LAMA3: variants seen among roughly 807,000 people sequenced by gnomAD.
LAMA3 encodes laminin subunit alpha 3, also known as laminin subunit alpha-3.
A neutral mutation model predicts 402.0 loss-of-function variants in LAMA3; 281 were observed. That is an observed-to-expected ratio of 0.70 (90% CI 0.63 to 0.77). The LOEUF is 0.77. Among genes scored for constraint, LAMA3 ranks in the 30% least tolerant of loss-of-function variants. LAMA3 has a pLI of 0.00. For missense variants in LAMA3, 3,840 were observed against 4,215.5 expected (o/e 0.91, Z 2.47); for synonymous variants, 1,431 against 1,558.4 (o/e 0.92, Z 1.93).
At chr18:23,795,067 G>C (rs2062736802) in intron 12 of LAMA3, among the ~76,000 whole-genome samples, 1 of 152,176 alleles carries the variant, frequency 6.6e-6, no homozygotes, top group Non-Finnish European at 1.5e-5. Context: ...CACAACCTCT[G>C]TCAAGTGGAA....
rs377503548 is a variant in LAMA3 at position 23,842,350 on chromosome 18, G to T, written c.3337-45G>T. ...GATTCCAGTTATTCATAGCTCTTCA[G>T]CTTGAGGGTTTTTAATTTTTTTTCC... On this transcript the variant is annotated intron_variant, in intron 27 of 74. Transcript: ENST00000313654. 38 of 1,612,330 alleles carry T rather than the reference G, an allele frequency of 2.4e-5. 1 individual carries two copies. In the East Asian group the frequency reaches 2.7e-4, roughly 11 times the overall value.
intron 67 of LAMA3, 24 bp from the exon 68 acceptor site, chr18:23,939,199 T>C (rs370151549): frequency 3.1e-6 from 5 of 1,611,558 alleles, no homozygotes; most frequent in Non-Finnish European, 3.4e-6. Context: ...CCCCTGATAA[T>C]TGTGTTGCTC....
In LAMA3 at chr18:23,921,503, G is replaced by T. The variant is rs886053675; in HGVS notation, c.8095G>T (p.Val2699Phe). ...LQKRMWINVDVQNTIIDGEVF... is the reference protein window; with the variant it reads ...LQKRMWINVDFQNTIIDGEVF... ...AAAGCGTATGTGGATAAATGTGGAC[G>T]TTCAAAACACTATAATTGATGGTGA... Residue 2699 changes from valine to phenylalanine, a missense_variant, in exon 62 of 75, where the codon GTT becomes TTT. This residue lies in a region of LAMA3 where 840 missense variants were observed against 981.9 expected (regional missense o/e 0.86). Transcript: ENST00000313654. 2.5e-6 allele frequency: 4 copies of T among 1,613,506 alleles called. No individual in the cohort carries two copies. Among genetic ancestry groups the T allele is most frequent in the Non-Finnish European group, 2.5e-6 (3 of 1,179,516 alleles).
intron 12 of LAMA3, among the ~76,000 whole-genome samples, chr18:23,806,743 C>G (rs1448311626): frequency 6.6e-6 from 1 of 152,196 alleles, no homozygotes; most frequent in Non-Finnish European, 1.5e-5. Flanking sequence ...ATTCAGACCT[C>G]GCAGGATGAA....
At chr18:23,859,588 T>C (rs758056240) in intron 34 of LAMA3, among the ~76,000 whole-genome samples, 3 of 152,162 alleles carry the variant, frequency 2.0e-5, no homozygotes, top group Non-Finnish European at 2.9e-5. Flanking sequence ...AAGAATATGA[T>C]AAAGGATACA....
At chr18:23,795,950 T>C in intron 12 of LAMA3, 4 of 300,548 alleles carry the variant, frequency 1.3e-5, no homozygotes, top group South Asian at 2.8e-5. Flanking sequence ...CCTGATCTGA[T>C]AGGACTCATG....
Position 23,753,811 on chromosome 18 carries a change from CTG to C in LAMA3, c.947+1_947+2del. On this transcript the variant is annotated splice_donor_variant and coding_sequence_variant, in exon 6 of 75. Coordinates refer to ENST00000313654, the MANE Select transcript of LAMA3 (RefSeq NM_198129.4). LOFTEE classifies it high-confidence loss of function. Reference sequence around the variant, plus strand: ...GTGCAATATAAACAATCCTGAAAAACTGTAAGTACACTGTACAGATTTTTTTC... The same window carrying C: ...GTGCAATATAAACAATCCTGAAAAACTAAGTACACTGTACAGATTTTTTTC... The C allele has an allele frequency of 6.2e-7, 1 of 1,606,168 alleles. No individual in the cohort carries two copies. The highest frequency in any genetic ancestry group is 8.5e-7 in the Non-Finnish European group (1 of 1,172,798).
At chr18:23,949,465 C>G (rs1007900814) in intron 70 of LAMA3, among the ~76,000 whole-genome samples, 4 of 152,158 alleles carry the variant, frequency 2.6e-5, no homozygotes, top group African/African-American at 4.8e-5. Context: ...TATTCTAGCA[C>G]AAGCTAGCAA....
rs2081623274 is a variant in LAMA3, at chr18:23,916,454, C to G, written c.7779-97C>G. The G allele has an allele frequency of 2.1e-6, 3 of 1,400,536 alleles. No individual in the cohort carries two copies. The African/African-American group carries it at 4.2e-5, about 20-fold the overall frequency. 86.8% of individuals were successfully genotyped at this position (1,400,536 alleles called of 1,614,324 possible). A position where few individuals can be genotyped will look rare whatever the true frequency, so the allele number is the denominator to read the frequency against. ...TGACAACTAGATTGCATTTTCTTGG[C>G]TCCATTTTTCAGATAGCAACATCTT... On this transcript the variant is annotated intron_variant, in intron 59 of 74. Coordinates refer to ENST00000313654, the MANE Select transcript of LAMA3 (RefSeq NM_198129.4).
chr18:23,726,860 T>C (rs966319883), intron 2 of LAMA3, among the ~76,000 whole-genome samples: 5 of 152,174 alleles, frequency 3.3e-5, no homozygotes, highest in African/African-American at 1.2e-4. Context: ...TCAAGTGATC[T>C]GCCTGCCTCG....
chr18:23,898,411 T>C (rs1263573987), intron 44 of LAMA3: 2 of 284,226 alleles, frequency 7.0e-6, no homozygotes, highest in Non-Finnish European at 6.6e-6. Flanking sequence ...CTGCAGGTTT[T>C]TAAAAAACTG....
chr18:23,949,035 A>T (rs2082809869), intron 70 of LAMA3, among the ~76,000 whole-genome samples: 2 of 152,166 alleles, frequency 1.3e-5, no homozygotes, highest in Non-Finnish European at 2.9e-5. Flanking sequence ...AGGAAAATGC[A>T]CACGCAGAAC....
At position 23,747,912 on chromosome 18, in the gene LAMA3, A is replaced by G. The variant is rs763585675; in HGVS notation, c.448-31A>G. Reference sequence around the variant, plus strand: ...AGAAGCTGTGAATCGATGAGATGACATTAATAACTGTATCTCTTTTGTTTT... The same window carrying G: ...AGAAGCTGTGAATCGATGAGATGACGTTAATAACTGTATCTCTTTTGTTTT... On this transcript the variant is annotated intron_variant, in intron 2 of 74. Coordinates refer to ENST00000313654, the MANE Select transcript of LAMA3 (RefSeq NM_198129.4). The G allele has an allele frequency of 1.1e-5, 13 of 1,220,192 alleles. No homozygotes were observed. In the South Asian group the frequency reaches 1.3e-4, roughly 12 times the overall value. 75.6% of individuals were successfully genotyped at this position (1,220,192 alleles called of 1,614,324 possible). A position where few individuals can be genotyped will look rare whatever the true frequency, so the allele number is the denominator to read the frequency against.
At chr18:23,910,708 T>C (rs2081399038) in intron 55 of LAMA3, among the ~76,000 whole-genome samples, 1 of 152,292 alleles carries the variant, frequency 6.6e-6, no homozygotes. Flanking sequence ...CACAAAGATT[T>C]TTTTTAAAAA....
rs376089247 is a variant in LAMA3 at position 23,763,080 on chromosome 18, C to T, written c.1064-325C>T. Among the ~76,000 whole-genome samples, 128 of 152,250 alleles carry T rather than the reference C, an allele frequency of 8.4e-4. 3 individuals are homozygous for T. In the South Asian group the frequency reaches 0.026, roughly 30 times the overall value. On this transcript the variant is annotated intron_variant, in intron 7 of 74. Transcript: ENST00000313654. ...CCATATTGGCCAGGCTGGTCTCGAA[C>T]TCCTGAACTCATTGTGATCCATCCG...
At position 23,858,818 on chromosome 18, in the gene LAMA3, C is replaced by T. The variant is rs761118747; in HGVS notation, c.4411C>T (p.Arg1471Ter). 11 of 1,614,072 alleles carry T rather than the reference C, an allele frequency of 6.8e-6. No homozygotes were observed. Among genetic ancestry groups the T allele is most frequent in the East Asian group, 6.7e-5 (3 of 44,880 alleles). The part of the protein sequence containing the change: ...VNNQCHSSHK[R>*]RTKFVDMLGW... ...TAATCAATGTCACAGCTCACATAAG[C>T]GAAGGACTAAGGTATGCATTGACAG... The change falls in exon 34 of 75, where the codon CGA becomes TGA. Residue 1471 changes from arginine to a stop codon, truncating the protein, a stop_gained. Coordinates refer to ENST00000313654, the MANE Select transcript of LAMA3 (RefSeq NM_198129.4). LOFTEE classifies it high-confidence loss of function.
In LAMA3 at chr18:23,920,991, G is replaced by T; in HGVS notation, c.7980G>T (p.Leu2660=). The part of the protein sequence containing the change: ...EDGKLMVRYK[L]NSELPKERGV... The stretch of plus-strand genomic sequence containing the variant: ...GCAAGCTCATGGTGAGATACAAACT[G>T]AATTCAGAGCTACCAAAAGAGAGAG... Residue 2660 remains leucine (L), a synonymous_variant, in exon 61 of 75, where the codon CTG becomes CTT. Coordinates refer to ENST00000313654, the MANE Select transcript of LAMA3 (RefSeq NM_198129.4). The T allele has an allele frequency of 6.2e-7, 1 of 1,614,042 alleles. No individual in the cohort carries two copies. The highest frequency in any genetic ancestry group is 8.5e-7 in the Non-Finnish European group (1 of 1,179,974).
chr18:23,860,245 T>C (rs1223535455), intron 34 of LAMA3, among the ~76,000 whole-genome samples: 1 of 150,470 alleles, frequency 6.6e-6, no homozygotes, highest in Non-Finnish European at 1.5e-5. Flanking sequence ...ATCTTTTCTT[T>C]GGTCACTTTT....
intron 2 of LAMA3, among the ~76,000 whole-genome samples, chr18:23,716,866 T>A (rs1174983677): frequency 6.6e-6 from 1 of 152,230 alleles, no homozygotes; most frequent in African/African-American, 2.4e-5. Context: ...AGTTTCCTCA[T>A]TTATAAAATG....
Sources: allele counts gnomAD v4.1 joint callset (sites outside exome capture counted in the v4.1 genomes callset), GRCh38; gene constraint gnomAD v4.1.1; regional missense constraint gnomAD v4.1.1; transcripts MANE v1.5; gene names NCBI Gene and HGNC (gene_info 2026-07-23, HGNC 2026-07-21).